The following SCFD2 variants were observed in gnomAD, a reference collection of about 807,000 sequenced individuals.
SCFD2 encodes the protein sec1 family domain containing 2.
A neutral mutation model predicts 58.9 loss-of-function variants in SCFD2; 54 were observed. The ratio of observed to expected loss-of-function variants is 0.92; its 90% confidence interval spans 0.74 to 1.15. The LOEUF is 1.15. SCFD2 is among the 50% of genes most tolerant of loss of function. SCFD2 has a pLI of 0.00. For missense variants in SCFD2, 805 were observed against 836.6 expected (o/e 0.96, Z 0.47); for synonymous variants, 321 against 335.9 (o/e 0.96, Z 0.49).
intron 4 of SCFD2, among the ~76,000 whole-genome samples, chr4:53,254,376 C>T (rs1162495606): frequency 2.0e-5 from 3 of 152,190 alleles, no homozygotes; most frequent in Non-Finnish European, 2.9e-5. Context: ...TCCTGCCACC[C>T]TGTGAAGAAG....
At chr4:53,084,977 A>G (rs1211702888) in intron 5 of SCFD2, among the ~76,000 whole-genome samples, 1 of 152,262 alleles carries the variant, frequency 6.6e-6, no homozygotes, top group Non-Finnish European at 1.5e-5. Context: ...GATCTGGAAC[A>G]CAACAAGGAT....
At chr4:52,885,305 G>C (rs141634073) in intron 8 of SCFD2, among the ~76,000 whole-genome samples, 127 of 152,230 alleles carry the variant, frequency 8.3e-4, no homozygotes, top group African/African-American at 3.0e-3. Flanking sequence ...TTGGACACCA[G>C]AGAATATAGG....
intron 3 of SCFD2, among the ~76,000 whole-genome samples, chr4:53,307,911 C>T (rs897111146): frequency 3.9e-5 from 6 of 152,112 alleles, no homozygotes; most frequent in Non-Finnish European, 8.8e-5. Context: ...AAAGCAGAAA[C>T]GAAGGAGAAG....
chr4:53,342,173 A>C (rs1253537795), intron 2 of SCFD2, among the ~76,000 whole-genome samples: 1 of 152,150 alleles, frequency 6.6e-6, no homozygotes, highest in Non-Finnish European at 1.5e-5. Flanking sequence ...AAATTGGATA[A>C]AGAGTCAAGA....
chr4:53,356,749 TTTG>T (rs1307893538), intron 1 of SCFD2, among the ~76,000 whole-genome samples: 13 of 147,816 alleles, frequency 8.8e-5, no homozygotes, highest in African/African-American at 2.7e-4. Context: ...TTTTTTTTTT[TTTG>T]TTGAGACATA....
At chr4:53,122,044 T>A (rs1725493352) in intron 5 of SCFD2, among the ~76,000 whole-genome samples, 1 of 152,148 alleles carries the variant, frequency 6.6e-6, no homozygotes, top group South Asian at 2.1e-4. Flanking sequence ...AGGAATAAAC[T>A]TCCCCAGACT....
intron 2 of SCFD2, among the ~76,000 whole-genome samples, chr4:53,341,928 G>C (rs1408410342): frequency 1.3e-5 from 2 of 152,124 alleles, no homozygotes; most frequent in African/African-American, 2.4e-5. Flanking sequence ...GTCACCACCA[G>C]GTCTGCTTTA....
intron 5 of SCFD2, among the ~76,000 whole-genome samples, chr4:52,947,968 CAAAAAAAA>C (rs34494471): frequency 1.4e-4 from 5 of 35,202 alleles, no homozygotes; most frequent in Non-Finnish European, 2.3e-4. Context: ...AAAAATAGGC[CAAAAAAAA>C]AAAAAAAAAA....
chr4:53,103,399 C>T (rs1223757085), intron 5 of SCFD2, among the ~76,000 whole-genome samples: 1 of 151,878 alleles, frequency 6.6e-6, no homozygotes, highest in Non-Finnish European at 1.5e-5. Context: ...GGACATAAGG[C>T]TATAATCCAT....
Position 53,213,073 on chromosome 4 carries a change from T to C in SCFD2, c.1311+60753A>G, listed in dbSNP as rs1039454851. ...GATAAATGAAGTGTGTGTAAACGCA[T>C]CTGGTACACACAAACAATTTCTAGC... On this transcript the variant is annotated intron_variant, in intron 4 of 8. Transcript: ENST00000401642. 4.6e-5 allele frequency among the ~76,000 whole-genome samples: 7 copies of C among 152,192 alleles called. No individual in the cohort carries two copies. In the East Asian group the frequency reaches 7.7e-4, roughly 17 times the overall value.
chr4:53,097,794 A>C lies in SCFD2; in HGVS notation c.1561+47539T>G, dbSNP rs183815695. Among the ~76,000 whole-genome samples the C allele has an allele frequency of 1.7e-3, 252 of 152,270 alleles. 1 individual carries two copies. The highest frequency in any genetic ancestry group is 5.6e-3 in the African/African-American group (234 of 41,560). ...AGAGAGGGCATCCCTGTCTTGTGCC[A>C]GTTTTCAAAGGCAATGCTTCCAGTT... On this transcript the variant is annotated intron_variant, in intron 5 of 8. Coordinates refer to ENST00000401642, the MANE Select transcript of SCFD2 (RefSeq NM_152540.4).
At chr4:52,938,369 T>A (rs892186786) in intron 5 of SCFD2, among the ~76,000 whole-genome samples, 6 of 152,222 alleles carry the variant, frequency 3.9e-5, no homozygotes, top group Non-Finnish European at 7.3e-5. Context: ...CTAAATGTTA[T>A]GTTTTTACTA....
intron 4 of SCFD2, among the ~76,000 whole-genome samples, chr4:53,266,545 T>G (rs1304487203): frequency 6.6e-6 from 1 of 152,208 alleles, no homozygotes; most frequent in Non-Finnish European, 1.5e-5. Context: ...AGCCAAACTC[T>G]CTTGCTATAC....
At chr4:52,897,947 G>A (rs569929283) in intron 7 of SCFD2, among the ~76,000 whole-genome samples, 1 of 152,184 alleles carries the variant, frequency 6.6e-6, no homozygotes, top group Admixed American at 6.5e-5. Flanking sequence ...TTGCGCAGAG[G>A]TGTTTATAGT....
At chr4:53,209,706 A>G (rs1304710145) in intron 4 of SCFD2, among the ~76,000 whole-genome samples, 2 of 152,014 alleles carry the variant, frequency 1.3e-5, no homozygotes, top group Non-Finnish European at 1.5e-5. Context: ...TAAAGAAGTG[A>G]CATACCAGTG....
At chr4:52,989,900 C>G (rs1230146033) in intron 5 of SCFD2, among the ~76,000 whole-genome samples, 2 of 152,156 alleles carry the variant, frequency 1.3e-5, no homozygotes, top group Non-Finnish European at 2.9e-5. Flanking sequence ...TTCTTTGACT[C>G]TCTTCCTCTG....
intron 5 of SCFD2, among the ~76,000 whole-genome samples, chr4:53,052,425 A>C (rs1227953074): frequency 6.6e-6 from 1 of 152,222 alleles, no homozygotes. Context: ...TGTCCCAGTG[A>C]CTGGCATCTA....
At chr4:53,303,218 T>G (rs1732378536) in intron 3 of SCFD2, among the ~76,000 whole-genome samples, 1 of 152,118 alleles carries the variant, frequency 6.6e-6, no homozygotes, top group Admixed American at 6.5e-5. Flanking sequence ...AAATGGCTAA[T>G]ATCCAGAATG....
intron 5 of SCFD2, among the ~76,000 whole-genome samples, chr4:53,124,210 T>C (rs1306581907): frequency 6.6e-6 from 1 of 152,242 alleles, no homozygotes; most frequent in Non-Finnish European, 1.5e-5. Context: ...CTATCAGTGC[T>C]GTTTGGCATG....
Sources: gnomAD v4.1 joint callset for allele counts (sites outside exome capture counted in the v4.1 genomes callset) on GRCh38, gnomAD v4.1.1 for gene constraint, MANE v1.5 for transcripts, NCBI Gene and HGNC (gene_info 2026-07-23, HGNC 2026-07-21) for gene names.